The following DNAJC1 variants were observed in gnomAD, a reference collection of about 807,000 sequenced individuals.
DNAJC1 encodes dnaJ homolog subfamily C member 1.
DNAJC1 carries 58 observed loss-of-function variants against 76.6 expected under a neutral mutation model. The ratio of observed to expected loss-of-function variants is 0.76; its 90% confidence interval spans 0.61 to 0.94. DNAJC1 has a LOEUF of 0.94. Ranked by LOEUF, DNAJC1 falls within the 40% of genes least tolerant of loss-of-function variation. DNAJC1 has a pLI of 0.00. For synonymous variants in DNAJC1, 258 were observed against 267.9 expected (o/e 0.96, Z 0.36); for missense variants, 689 against 677.3 (o/e 1.02, Z -0.19).
At chr10:21,773,594 T>C (rs1015592662) in intron 9 of DNAJC1, among the ~76,000 whole-genome samples, 4 of 152,232 alleles carry the variant, frequency 2.6e-5, no homozygotes, top group Non-Finnish European at 5.9e-5. Flanking sequence ...AAAACGTATA[T>C]TCTATTGTTA....
intron 3 of DNAJC1, among the ~76,000 whole-genome samples, chr10:21,924,666 A>G (rs1837094150): frequency 6.6e-6 from 1 of 152,200 alleles, no homozygotes; most frequent in African/African-American, 2.4e-5. Context: ...TTTTCTTACA[A>G]TAACCAGGAA....
chr10:21,847,424 T>C (rs1835677997), intron 8 of DNAJC1, among the ~76,000 whole-genome samples: 1 of 152,202 alleles, frequency 6.6e-6, no homozygotes, highest in African/African-American at 2.4e-5. Context: ...GAAAAATTTA[T>C]CATTTCTTTG....
At chr10:21,773,619 G>C (rs1834416488) in intron 9 of DNAJC1, among the ~76,000 whole-genome samples, 2 of 152,170 alleles carry the variant, frequency 1.3e-5, no homozygotes, top group Non-Finnish European at 2.9e-5. Context: ...GCGTGTTTTA[G>C]AAATATGTTA....
intron 1 of DNAJC1, among the ~76,000 whole-genome samples, chr10:21,983,720 C>CAA (rs35597471): frequency 7.9e-5 from 9 of 113,780 alleles, no homozygotes; most frequent in South Asian, 5.9e-4. Context: ...GATTCTGTCT[C>CAA]AAAAAAAAAA....
At position 21,784,534 on chromosome 10, in the gene DNAJC1, G is replaced by T. The variant is rs145877931; in HGVS notation, c.1099-18225C>A. Among the ~76,000 whole-genome samples the T allele has an allele frequency of 3.3e-3, 496 of 152,246 alleles. 3 individuals carry two copies. The highest frequency in any genetic ancestry group is 0.011 in the African/African-American group (476 of 41,554). On this transcript the variant is annotated intron_variant, in intron 9 of 11. Coordinates refer to ENST00000376980, the MANE Select transcript of DNAJC1 (RefSeq NM_022365.4). ...AGAACTAGAAATACCATTTGACCCA[G>T]CCATCACATTACTGGGTATGTACCC...
At chr10:21,892,291 T>G (rs1836473864) in intron 7 of DNAJC1, among the ~76,000 whole-genome samples, 1 of 151,622 alleles carries the variant, frequency 6.6e-6, no homozygotes, top group Admixed American at 6.6e-5. Context: ...AATAGCAGAC[T>G]TAAGCCCTAA....
At chr10:21,823,001 C>A (rs532947249) in intron 8 of DNAJC1, among the ~76,000 whole-genome samples, 6 of 151,680 alleles carry the variant, frequency 4.0e-5, no homozygotes, top group African/African-American at 1.2e-4. Context: ...TAGTCACTAA[C>A]AAGAGAAGGT....
chr10:21,794,762 TA>T (rs922336998), intron 9 of DNAJC1, among the ~76,000 whole-genome samples: 4 of 151,530 alleles, frequency 2.6e-5, no homozygotes, highest in African/African-American at 7.3e-5. Flanking sequence ...ATGACACCAT[TA>T]AAAAAAACAA....
intron 8 of DNAJC1, among the ~76,000 whole-genome samples, chr10:21,820,295 G>A (rs902309536): frequency 6.6e-6 from 1 of 152,048 alleles, no homozygotes; most frequent in African/African-American, 2.4e-5. Context: ...GTCTGGGGGG[G>A]ATATGCCACA....
chr10:21,946,671 C>A (rs1052833865), intron 1 of DNAJC1, among the ~76,000 whole-genome samples: 1 of 152,014 alleles, frequency 6.6e-6, no homozygotes, highest in Non-Finnish European at 1.5e-5. Context: ...TAAGTACATA[C>A]GCAACAGAAA....
intron 6 of DNAJC1, among the ~76,000 whole-genome samples, chr10:21,918,433 A>T (rs1194445992): frequency 6.7e-6 from 1 of 149,848 alleles, no homozygotes; most frequent in Non-Finnish European, 1.5e-5. Context: ...AATGGGTGGC[A>T]AGCTACTTGA....
At chr10:21,811,603 A>T (rs1004669486) in intron 8 of DNAJC1, among the ~76,000 whole-genome samples, 2 of 152,220 alleles carry the variant, frequency 1.3e-5, no homozygotes, top group Non-Finnish European at 2.9e-5. Flanking sequence ...AACTATTTTT[A>T]AAAATGAAAA....
chr10:21,779,501 CCA>C (rs1264402052), intron 9 of DNAJC1, among the ~76,000 whole-genome samples: 2 of 152,198 alleles, frequency 1.3e-5, no homozygotes, highest in Non-Finnish European at 2.9e-5. Context: ...GAGTGGACCT[CCA>C]GCAAACTCCA....
chr10:21,841,822 C>T (rs1835579367), intron 8 of DNAJC1, among the ~76,000 whole-genome samples: 1 of 152,008 alleles, frequency 6.6e-6, no homozygotes, highest in Non-Finnish European at 1.5e-5. Context: ...GCACTGTTCA[C>T]AATAGCAAAG....
At chr10:21,923,056 C>T (rs1393818214) in intron 3 of DNAJC1, among the ~76,000 whole-genome samples, 2 of 151,938 alleles carry the variant, frequency 1.3e-5, no homozygotes, top group Non-Finnish European at 2.9e-5. Context: ...TTAATAGCTA[C>T]TATTTTCTAC....
chr10:21,979,846 T>C (rs1838124467), intron 1 of DNAJC1, among the ~76,000 whole-genome samples: 1 of 152,064 alleles, frequency 6.6e-6, no homozygotes. Flanking sequence ...ACACCTTCAT[T>C]GTTTTTGATA....
At chr10:21,856,434 G>C (rs2131694168) in intron 8 of DNAJC1, among the ~76,000 whole-genome samples, 1 of 152,044 alleles carries the variant, frequency 6.6e-6, no homozygotes, top group South Asian at 2.1e-4. Context: ...ATCTATTGTA[G>C]CTGCATGGTG....
chr10:21,935,367 C>G lies in DNAJC1; in HGVS notation c.223-6226G>C, dbSNP rs576941031. 2.0e-4 allele frequency among the ~76,000 whole-genome samples: 31 copies of G among 152,086 alleles called. No homozygotes were observed. In the East Asian group the frequency reaches 5.6e-3, roughly 27 times the overall value. ...GAAAATTTTACTAGTTGGGGCTCAA[C>G]AGCAGGCTTGAGTAGGCAGAAGAAA... is the stretch of plus-strand genomic sequence containing the variant. On this transcript the variant is annotated intron_variant, in intron 1 of 11. Transcript: ENST00000376980.
At chr10:21,993,719 T>C (rs1263156679) in intron 1 of DNAJC1, among the ~76,000 whole-genome samples, 1 of 152,200 alleles carries the variant, frequency 6.6e-6, no homozygotes, top group African/African-American at 2.4e-5. Flanking sequence ...TCTAACATTA[T>C]TCTAATTCCT....
Sources: allele counts gnomAD v4.1 joint callset (sites outside exome capture counted in the v4.1 genomes callset), GRCh38; gene constraint gnomAD v4.1.1; transcripts MANE v1.5; gene names NCBI Gene and HGNC (gene_info 2026-07-23, HGNC 2026-07-21).